The following PDE4D variants were observed in gnomAD, a reference collection of about 807,000 sequenced individuals.
The protein encoded by PDE4D is phosphodiesterase 4D.
In PDE4D, 24 loss-of-function variants were observed where a neutral mutation model predicts 87.4. The observed-to-expected ratio is 0.27, with a 90% CI of 0.20 to 0.39. The LOEUF is 0.39. Ranked by LOEUF, PDE4D falls within the 10% of genes least tolerant of loss-of-function variation. The pLI is 1.00. For missense variants in PDE4D, 714 were observed against 1,041.0 expected (o/e 0.69, Z 4.32); for synonymous variants, 384 against 383.2 (o/e 1.00, Z -0.02).
At chr5:60,165,339 G>C (rs972140753) in intron 2 of PDE4D, among the ~76,000 whole-genome samples, 2 of 151,894 alleles carry the variant, frequency 1.3e-5, no homozygotes, top group East Asian at 3.8e-4. Flanking sequence ...TTATTTCCAG[G>C]CTCTGTATTC....
chr5:59,972,225 TC>T (rs1432436296), intron 3 of PDE4D, among the ~76,000 whole-genome samples: 1 of 152,120 alleles, frequency 6.6e-6, no homozygotes, highest in Non-Finnish European at 1.5e-5. Flanking sequence ...ATATTCCTAC[TC>T]CCCTAGTGGA....
intron 5 of PDE4D, chr5:59,166,352 C>T (rs1781925856): frequency 6.6e-6 from 1 of 152,174 alleles, no homozygotes; most frequent in Non-Finnish European, 1.5e-5. Context: ...CTCTCTGATC[C>T]ACTGGTCTTA....
At chr5:60,490,510 C>T (rs1749475515), upstream of PDE4D, 2 of 152,222 alleles carry the variant, frequency 1.3e-5, no homozygotes, top group African/African-American at 4.8e-5. Flanking sequence ...CCTAAAATTA[C>T]TAATGCACCA....
intron 1 of PDE4D, among the ~76,000 whole-genome samples, chr5:59,767,671 T>G (rs1280536321): frequency 6.6e-6 from 1 of 152,186 alleles, no homozygotes; most frequent in African/African-American, 2.4e-5. Flanking sequence ...CCTGCAACTT[T>G]CTGCGTAGAA....
At position 59,350,355 on chromosome 5, in the gene PDE4D, C is replaced by T. The variant is rs934718766; in HGVS notation, c.456-134387G>A. ...GAACAAAGATTTTCACAGAAGCACA[C>T]AGAGCCAGGGTTCTAGCTCTGACCA... On this transcript the variant is annotated intron_variant, in intron 1 of 14. Coordinates refer to ENST00000340635, the MANE Select transcript of PDE4D (RefSeq NM_001104631.2). Among the ~76,000 whole-genome samples the T allele has an allele frequency of 6.6e-5, 10 of 152,256 alleles. No homozygotes were observed. The South Asian group carries it at 1.2e-3, about 19-fold the overall frequency.
intron 1 of PDE4D, among the ~76,000 whole-genome samples, chr5:59,866,947 G>T (rs1280376626): frequency 6.6e-6 from 1 of 152,152 alleles, no homozygotes; most frequent in African/African-American, 2.4e-5. Flanking sequence ...CCACCCTAGA[G>T]ACTAACTAAG....
At chr5:60,304,988 G>A (rs769476030) in intron 1 of PDE4D, among the ~76,000 whole-genome samples, 6 of 150,472 alleles carry the variant, frequency 4.0e-5, no homozygotes, top group Non-Finnish European at 8.8e-5. Flanking sequence ...TTAAAATTGA[G>A]TAATATATAT....
At chr5:60,379,857 C>A (rs954869022) in intron 1 of PDE4D, among the ~76,000 whole-genome samples, 2 of 152,148 alleles carry the variant, frequency 1.3e-5, no homozygotes, top group African/African-American at 4.8e-5. Context: ...CATTGAATAG[C>A]ACCTGGATTT....
chr5:60,211,262 GTTT>G (rs1743182082), intron 1 of PDE4D, among the ~76,000 whole-genome samples: 4 of 152,172 alleles, frequency 2.6e-5, no homozygotes, highest in Non-Finnish European at 5.9e-5. Flanking sequence ...GGTTGAAGGA[GTTT>G]GTGTGGACTT....
At chr5:60,449,006 A>G (rs1403914554) in intron 1 of PDE4D, among the ~76,000 whole-genome samples, 1 of 151,466 alleles carries the variant, frequency 6.6e-6, no homozygotes, top group Admixed American at 6.6e-5. Context: ...AAGTTCCACT[A>G]TTGTTTCTTT....
At chr5:59,733,343 G>C (rs1757643797) in intron 1 of PDE4D, among the ~76,000 whole-genome samples, 1 of 152,074 alleles carries the variant, frequency 6.6e-6, no homozygotes, top group Non-Finnish European at 1.5e-5. Context: ...ACAGATATAG[G>C]ATAAAACCAT....
chr5:60,325,587 A>T (rs1756709652), intron 1 of PDE4D, among the ~76,000 whole-genome samples: 1 of 151,864 alleles, frequency 6.6e-6, no homozygotes, highest in African/African-American at 2.4e-5. Context: ...ACTTTCCCTG[A>T]CTCTCTTGTA....
intron 1 of PDE4D, among the ~76,000 whole-genome samples, chr5:59,449,332 C>A (rs762401014): frequency 6.6e-6 from 1 of 152,138 alleles, no homozygotes; most frequent in Non-Finnish European, 1.5e-5. Flanking sequence ...AATGTTGAGG[C>A]CCAGGAAAAG....
intron 5 of PDE4D, among the ~76,000 whole-genome samples, chr5:59,101,425 C>T (rs1260840947): frequency 1.3e-5 from 2 of 152,144 alleles, no homozygotes; most frequent in African/African-American, 4.8e-5. Context: ...ACTCTTTCTC[C>T]AAAGAAAAAG....
At chr5:59,417,691 A>T (rs543176378) in intron 1 of PDE4D, among the ~76,000 whole-genome samples, 1 of 152,282 alleles carries the variant, frequency 6.6e-6, no homozygotes, top group South Asian at 2.1e-4. Context: ...TCTCCTCTAC[A>T]ATTCCAAAAT....
intron 1 of PDE4D, among the ~76,000 whole-genome samples, chr5:59,277,331 C>G (rs559748028): frequency 7.9e-5 from 12 of 152,262 alleles, no homozygotes; most frequent in African/African-American, 2.9e-4. Flanking sequence ...TCCCCTTAAG[C>G]TTTTCAGTTT....
intron 1 of PDE4D, among the ~76,000 whole-genome samples, chr5:60,432,029 C>T (rs1744369260): frequency 6.6e-6 from 1 of 152,032 alleles, no homozygotes; most frequent in South Asian, 2.1e-4. Flanking sequence ...GCAGTACAGT[C>T]CAGCTTCAGC....
chr5:58,987,319 A>ATAAG (rs1746694867), intron 11 of PDE4D, among the ~76,000 whole-genome samples: 1 of 152,248 alleles, frequency 6.6e-6, no homozygotes, highest in Admixed American at 6.5e-5. Context: ...ATCTGGATAA[A>ATAAG]TAAGTTCCTA....
intron 3 of PDE4D, among the ~76,000 whole-genome samples, chr5:59,946,501 G>A (rs559336076): frequency 3.9e-5 from 6 of 152,118 alleles, no homozygotes; most frequent in Admixed American, 6.5e-5. Context: ...TTCACAAGTC[G>A]GAGTGCTGGA....
Sources: gnomAD v4.1 joint callset for allele counts (sites outside exome capture counted in the v4.1 genomes callset) on GRCh38, gnomAD v4.1.1 for gene constraint, MANE v1.5 for transcripts, NCBI Gene and HGNC (gene_info 2026-07-23, HGNC 2026-07-21) for gene names.